Variants in EXOC6B observed in about 807,000 individuals in gnomAD.
EXOC6B encodes exocyst complex component 6B, also known as SEC15 homolog B.
A neutral mutation model predicts 113.5 loss-of-function variants in EXOC6B; 54 were observed. That is an observed-to-expected ratio of 0.48 (90% CI 0.38 to 0.60). The LOEUF (loss-of-function observed/expected upper bound fraction) is 0.60, where lower values mean the gene tolerates loss of function less well. EXOC6B is among the 20% of genes least tolerant of loss of function. The pLI, the probability that EXOC6B is intolerant of heterozygous loss-of-function variation, is 0.00. For missense variants in EXOC6B, 797 were observed against 977.5 expected, an observed-to-expected ratio of 0.82 and a Z score of 2.46; for synonymous variants, 357 against 339.0, an observed-to-expected ratio of 1.05 and a Z score of -0.58.
chr2:72,263,312 A>C (rs1361104915), intron 20 of EXOC6B: 1 of 152,274 alleles, frequency 6.6e-6, no homozygotes, highest in African/African-American at 2.4e-5. Context: ...GGTTGCTGGG[A>C]TGAGACTACG....
chr2:72,543,777 T>C (rs1186840531), intron 8 of EXOC6B, among the ~76,000 whole-genome samples: 1 of 152,150 alleles, frequency 6.6e-6, no homozygotes, highest in Non-Finnish European at 1.5e-5. Context: ...CTAAGATCTA[T>C]GTAGTGTTTA....
intron 8 of EXOC6B, among the ~76,000 whole-genome samples, chr2:72,534,616 C>A (rs1482594418): frequency 6.6e-6 from 1 of 152,060 alleles, no homozygotes; most frequent in Admixed American, 6.5e-5. Flanking sequence ...AATTAATATA[C>A]ATTAAAGATT....
At chr2:72,433,733 T>C (rs1022095028) in intron 18 of EXOC6B, among the ~76,000 whole-genome samples, 4 of 152,242 alleles carry the variant, frequency 2.6e-5, no homozygotes, top group Non-Finnish European at 5.9e-5. Flanking sequence ...ATAGGAATGC[T>C]TGTGATTTTT....
intron 19 of EXOC6B, among the ~76,000 whole-genome samples, chr2:72,378,441 T>C (rs559932871): frequency 5.9e-4 from 90 of 152,318 alleles, no homozygotes; most frequent in African/African-American, 2.2e-3. Flanking sequence ...AAATGGAGAA[T>C]GGCAAGATTA....
chr2:72,820,245 A>C (rs1317831187), intron 1 of EXOC6B, among the ~76,000 whole-genome samples: 2 of 152,216 alleles, frequency 1.3e-5, no homozygotes, highest in Non-Finnish European at 2.9e-5. Flanking sequence ...CCATAAGTAA[A>C]GCTTTGTAAT....
chr2:72,242,237 T>C (rs1424027319), intron 20 of EXOC6B, among the ~76,000 whole-genome samples: 1 of 152,188 alleles, frequency 6.6e-6, no homozygotes, highest in Non-Finnish European at 1.5e-5. Context: ...ACAGAAAATC[T>C]TAATTTTCTT....
At chr2:72,282,962 A>G (rs1335469657) in intron 20 of EXOC6B, among the ~76,000 whole-genome samples, 2 of 152,138 alleles carry the variant, frequency 1.3e-5, no homozygotes, top group East Asian at 1.9e-4. Context: ...ATAATTTGAG[A>G]GTTGCACACC....
chr2:72,336,184 T>C (rs1030220785), intron 19 of EXOC6B, among the ~76,000 whole-genome samples: 1 of 152,184 alleles, frequency 6.6e-6, no homozygotes, highest in Non-Finnish European at 1.5e-5. Context: ...AAATTATGCT[T>C]CTATCCAGTA....
At chr2:72,651,692 T>C (rs916931776) in intron 6 of EXOC6B, among the ~76,000 whole-genome samples, 5 of 152,110 alleles carry the variant, frequency 3.3e-5, no homozygotes, top group Admixed American at 6.6e-5. Flanking sequence ...GCCTCCCAGG[T>C]TCATGCCATT....
intron 19 of EXOC6B, among the ~76,000 whole-genome samples, chr2:72,369,389 G>A (rs897309294): frequency 3.6e-4 from 55 of 152,200 alleles, no homozygotes; most frequent in South Asian, 6.2e-4. Context: ...AGAACATTTC[G>A]TGCTCATGGG....
At chr2:72,529,025 C>A (rs1195028663) in intron 8 of EXOC6B, among the ~76,000 whole-genome samples, 7 of 152,080 alleles carry the variant, frequency 4.6e-5, no homozygotes, top group African/African-American at 1.7e-4. Flanking sequence ...TTCCATTCTG[C>A]ATGCCCTTTA....
rs551209151 is a variant in EXOC6B at position 72,415,341 on chromosome 2, CA to C, written c.1981-35472del. Among the ~76,000 whole-genome samples, 114 of 140,148 alleles carry C rather than the reference CA, an allele frequency of 8.1e-4. 1 individual carries two copies. Among genetic ancestry groups the C allele is most frequent in the Admixed American group, 9.4e-4 (13 of 13,838 alleles). The allele number at this position is 140,148 out of a possible 152,430, so 91.9% of individuals were successfully genotyped here. The stretch of plus-strand genomic sequence containing the variant: ...AAAAGATGCTGAGCCTGGAGTCCTC[CA>C]AAAAAAAAAAATACAGTGATTAAAG... On this transcript the variant is annotated intron_variant, in intron 18 of 21. Transcript: ENST00000272427.
intron 20 of EXOC6B, among the ~76,000 whole-genome samples, chr2:72,275,676 T>C (rs1022506068): frequency 3.9e-5 from 6 of 152,208 alleles, no homozygotes; most frequent in African/African-American, 9.6e-5. Context: ...GCCCTGGACA[T>C]ATCCTGATTT....
chr2:72,455,498 T>G (rs953830786), intron 18 of EXOC6B, among the ~76,000 whole-genome samples: 1 of 152,108 alleles, frequency 6.6e-6, no homozygotes, highest in Non-Finnish European at 1.5e-5. Flanking sequence ...CATAGCTTAG[T>G]GCTTCTCATA....
At chr2:72,757,782 C>T (rs1302215922) in intron 1 of EXOC6B, among the ~76,000 whole-genome samples, 1 of 152,098 alleles carries the variant, frequency 6.6e-6, no homozygotes, top group African/African-American at 2.4e-5. Flanking sequence ...AAGCAATCAC[C>T]ACTGGTCAGA....
intron 6 of EXOC6B, among the ~76,000 whole-genome samples, chr2:72,597,378 TTAGA>T (rs1248084079): frequency 1.3e-5 from 2 of 151,774 alleles, no homozygotes. Flanking sequence ...GAAAGTGGAC[TTAGA>T]TTAATTATAA....
chr2:72,693,535 G>T (rs1677652990), intron 6 of EXOC6B, among the ~76,000 whole-genome samples: 1 of 152,074 alleles, frequency 6.6e-6, no homozygotes. Flanking sequence ...AAATCTTACA[G>T]TGAATCCCCA....
At chr2:72,800,898 C>T (rs1249374753) in intron 1 of EXOC6B, among the ~76,000 whole-genome samples, 1 of 152,162 alleles carries the variant, frequency 6.6e-6, no homozygotes, top group Non-Finnish European at 1.5e-5. Flanking sequence ...TGGACTTTCT[C>T]CATCTACCTA....
At chr2:72,403,769 G>A (rs1046764947) in intron 18 of EXOC6B, among the ~76,000 whole-genome samples, 2 of 152,144 alleles carry the variant, frequency 1.3e-5, no homozygotes, top group Non-Finnish European at 2.9e-5. Flanking sequence ...CCAGTCTACA[G>A]CTCCCAGCGT....
Sources: gnomAD v4.1 joint callset for allele counts (sites outside exome capture counted in the v4.1 genomes callset) on GRCh38, gnomAD v4.1.1 for gene constraint, MANE v1.5 for transcripts, NCBI Gene and HGNC (gene_info 2026-07-23, HGNC 2026-07-21) for gene names.